RBFOX1: variants seen among roughly 807,000 people sequenced by gnomAD.
RBFOX1 encodes RNA binding protein fox-1 homolog 1.
In RBFOX1, 8 loss-of-function variants were observed where a neutral mutation model predicts 57.7. The ratio of observed to expected loss-of-function variants is 0.14; its 90% CI spans 0.08 to 0.25. RBFOX1 has a LOEUF of 0.25. Ranked by LOEUF, RBFOX1 falls within the 10% of genes least tolerant of loss-of-function variation. The pLI is 1.00. For missense variants in RBFOX1, 611 were observed against 548.5 expected, an observed-to-expected ratio of 1.11 and a Z score of -1.14; for synonymous variants, 326 against 222.4, an observed-to-expected ratio of 1.47 and a Z score of -4.15.
chr16:7,082,561 CAAA>C (rs781683633), intron 4 of RBFOX1, among the ~76,000 whole-genome samples: 1,624 of 125,088 alleles, frequency 0.013, 14 homozygotes, highest in Non-Finnish European at 0.019. Context: ...GACCATGTCT[CAAA>C]AAAAAAAAAA....
intron 2 of RBFOX1, among the ~76,000 whole-genome samples, chr16:6,353,210 A>G (rs1468724647): frequency 2.0e-5 from 3 of 152,130 alleles, no homozygotes; most frequent in Non-Finnish European, 4.4e-5. Flanking sequence ...ATTGAAGGAC[A>G]ATGGGAAATG....
rs540718770 is a variant in RBFOX1, at chr16:5,997,712, C to T, written c.351+130377C>T. ...GTTTTCACATTTTCCCAAGGCAAACCGTCCAAGAGCAAAATAAGCCTCATT... is the reference window on the plus strand; with the variant it reads ...GTTTTCACATTTTCCCAAGGCAAACTGTCCAAGAGCAAAATAAGCCTCATT... On this transcript the variant is annotated intron_variant, in intron 4 of 19. Transcript: ENST00000641259. 7.2e-5 allele frequency among the ~76,000 whole-genome samples: 11 copies of T among 152,264 alleles called. No homozygotes were observed. The East Asian group carries it at 7.7e-4, about 11-fold the overall frequency.
intron 3 of RBFOX1, among the ~76,000 whole-genome samples, chr16:5,812,636 A>G (rs138072811): frequency 2.9e-4 from 44 of 151,972 alleles, no homozygotes; most frequent in African/African-American, 1.0e-3. Flanking sequence ...ATTCTTTTTT[A>G]TCTTTGGTAG....
chr16:5,682,971 C>G (rs1276460482), intron 3 of RBFOX1, among the ~76,000 whole-genome samples: 1 of 152,192 alleles, frequency 6.6e-6, no homozygotes, highest in African/African-American at 2.4e-5. Context: ...ATTGATACTT[C>G]AGGACAATTC....
chr16:6,710,864 G>A (rs2063591287), intron 3 of RBFOX1, among the ~76,000 whole-genome samples: 2 of 152,168 alleles, frequency 1.3e-5, no homozygotes, highest in African/African-American at 4.8e-5. Flanking sequence ...AGGAGGAAAG[G>A]GACAGGCTTC....
intron 1 of RBFOX1, among the ~76,000 whole-genome samples, chr16:6,293,932 T>C (rs1034547074): frequency 7.3e-6 from 1 of 137,502 alleles, no homozygotes; most frequent in African/African-American, 2.7e-5. Context: ...GCAGGAATTT[T>C]TACTGTAAGA....
chr16:6,896,285 C>G (rs1366538493), intron 3 of RBFOX1, among the ~76,000 whole-genome samples: 1 of 152,026 alleles, frequency 6.6e-6, no homozygotes, highest in African/African-American at 2.4e-5. Context: ...AACAGTTTAT[C>G]CTTTTTGGTA....
chr16:5,655,827 C>A (rs2049409623), intron 3 of RBFOX1, among the ~76,000 whole-genome samples: 1 of 152,200 alleles, frequency 6.6e-6, no homozygotes, highest in South Asian at 2.1e-4. Flanking sequence ...TTGAAGCCTC[C>A]ATTTGACTCT....
chr16:7,005,151 A>G (rs565437134), intron 3 of RBFOX1, among the ~76,000 whole-genome samples: 2 of 151,746 alleles, frequency 1.3e-5, no homozygotes, highest in African/African-American at 4.9e-5. Flanking sequence ...TCTCAAAAAC[A>G]AAAAACGAAA....
intron 4 of RBFOX1, among the ~76,000 whole-genome samples, chr16:7,426,810 C>T (rs1007101890): frequency 3.3e-5 from 5 of 152,140 alleles, no homozygotes; most frequent in African/African-American, 1.2e-4. Context: ...AGCAGAGAGG[C>T]AAGGCAGGCT....
At chr16:5,942,847 A>G (rs904786078) in intron 4 of RBFOX1, among the ~76,000 whole-genome samples, 1 of 152,190 alleles carries the variant, frequency 6.6e-6, no homozygotes, top group Non-Finnish European at 1.5e-5. Flanking sequence ...CCAGGAAACT[A>G]AGATGAGGAT....
chr16:5,572,407 C>G (rs1173761473), intron 2 of RBFOX1, among the ~76,000 whole-genome samples: 4 of 152,182 alleles, frequency 2.6e-5, no homozygotes, highest in Admixed American at 2.0e-4. Context: ...GGCAGGATTT[C>G]TCAATCTTGG....
intron 3 of RBFOX1, among the ~76,000 whole-genome samples, chr16:6,751,320 A>G (rs997936799): frequency 2.0e-5 from 3 of 152,290 alleles, no homozygotes; most frequent in East Asian, 1.9e-4. Context: ...GAGAAATGAC[A>G]GTGCCCTCTA....
chr16:6,631,607 G>C (rs1483494884), intron 2 of RBFOX1, among the ~76,000 whole-genome samples: 2 of 152,164 alleles, frequency 1.3e-5, no homozygotes, highest in East Asian at 1.9e-4. Flanking sequence ...TAAGAAGCTA[G>C]TTGATGTGGA....
intron 3 of RBFOX1, among the ~76,000 whole-genome samples, chr16:6,917,583 G>C (rs1200934665): frequency 1.3e-5 from 2 of 152,198 alleles, no homozygotes; most frequent in Admixed American, 1.3e-4. Context: ...TGAAATAAAA[G>C]TTAGGAAGCT....
chr16:6,564,370 A>C (rs935593300), intron 2 of RBFOX1, among the ~76,000 whole-genome samples: 3 of 152,110 alleles, frequency 2.0e-5, no homozygotes, highest in African/African-American at 7.2e-5. Flanking sequence ...GTTCGTAAAA[A>C]CATGGTGTGA....
intron 4 of RBFOX1, among the ~76,000 whole-genome samples, chr16:7,088,952 C>A (rs1462464366): frequency 6.6e-6 from 1 of 152,166 alleles, no homozygotes; most frequent in Non-Finnish European, 1.5e-5. Flanking sequence ...CAACTCAGAT[C>A]TATGAACTCT....
At chr16:7,563,985 C>A (rs988627700) in intron 5 of RBFOX1, among the ~76,000 whole-genome samples, 75 of 152,212 alleles carry the variant, frequency 4.9e-4, no homozygotes, top group African/African-American at 1.7e-3. Flanking sequence ...TGATTTCAAG[C>A]CCCCAGGACA....
intron 1 of RBFOX1, among the ~76,000 whole-genome samples, chr16:5,435,882 G>C (rs1211080097): frequency 6.6e-6 from 1 of 152,076 alleles, no homozygotes; most frequent in South Asian, 2.1e-4. Flanking sequence ...TGTTATTTTC[G>C]ACTATCAACA....
Sources: allele counts gnomAD v4.1 joint callset (sites outside exome capture counted in the v4.1 genomes callset), GRCh38; gene constraint gnomAD v4.1.1; transcripts MANE v1.5; gene names NCBI Gene and HGNC (gene_info 2026-07-23, HGNC 2026-07-21).